The following SGCZ variants were observed in gnomAD, a reference collection of about 807,000 sequenced individuals.
SGCZ encodes the protein sarcoglycan zeta, also known as zeta-sarcoglycan.
Under a neutral mutation model 41.3 loss-of-function variants are expected in SGCZ, and 40 were observed. The ratio of observed to expected loss-of-function variants is 0.97; its 90% CI spans 0.75 to 1.26. SGCZ has a LOEUF of 1.26. Ranked by LOEUF, SGCZ falls within the 50% of genes most tolerant of loss-of-function variation. The pLI is 0.00. For missense variants in SGCZ, 552 were observed against 369.8 expected, an observed-to-expected ratio of 1.49 and a Z score of -4.04; for synonymous variants, 206 against 137.5, an observed-to-expected ratio of 1.50 and a Z score of -3.49.
chr8:14,541,773 C>T (rs1803476120), intron 2 of SGCZ, among the ~76,000 whole-genome samples: 2 of 152,084 alleles, frequency 1.3e-5, no homozygotes, highest in African/African-American at 4.8e-5. Context: ...TCCTATTTCT[C>T]CACATCTTCT....
chr8:15,070,973 G>C (rs1305590300), intron 1 of SGCZ, among the ~76,000 whole-genome samples: 2 of 152,146 alleles, frequency 1.3e-5, no homozygotes, highest in Admixed American at 6.5e-5. Context: ...AGATGATAAT[G>C]TGAACATTAC....
chr8:14,676,317 G>A (rs1808276279), intron 1 of SGCZ, among the ~76,000 whole-genome samples: 1 of 140,170 alleles, frequency 7.1e-6, no homozygotes, highest in Admixed American at 7.7e-5. Context: ...ACAGCATAGA[G>A]AGATCCCACC....
At chr8:14,244,525 A>C (rs543473866) in intron 3 of SGCZ, among the ~76,000 whole-genome samples, 190 of 152,168 alleles carry the variant, frequency 1.2e-3, no homozygotes, top group Non-Finnish European at 1.3e-3. Context: ...GTCAGGTAGC[A>C]TGATGCCTCC....
chr8:14,439,880 C>A (rs1412257752), intron 2 of SGCZ, among the ~76,000 whole-genome samples: 1 of 151,916 alleles, frequency 6.6e-6, no homozygotes, highest in Non-Finnish European at 1.5e-5. Flanking sequence ...GTCACATTTT[C>A]ACAGTTAACT....
intron 5 of SGCZ, among the ~76,000 whole-genome samples, chr8:14,155,349 G>A (rs985328478): frequency 2.0e-5 from 3 of 151,638 alleles, no homozygotes; most frequent in South Asian, 2.1e-4. Flanking sequence ...ATGTCTCTTT[G>A]GCCCATGACT....
At chr8:15,019,244 G>C (rs774257969) in intron 1 of SGCZ, among the ~76,000 whole-genome samples, 1 of 152,168 alleles carries the variant, frequency 6.6e-6, no homozygotes, top group East Asian at 1.9e-4. Flanking sequence ...GAAGTTGAAG[G>C]TCAGCAAGGG....
At position 14,266,602 on chromosome 8, in the gene SGCZ, G is replaced by C. The variant is rs77910634; in HGVS notation, c.337-28923C>G. Reference sequence around the variant, plus strand: ...AAATCAGTTTATTTCTAGACAACATGTCACATAAGATCACGATGTGAAAAT... The same window carrying C: ...AAATCAGTTTATTTCTAGACAACATCTCACATAAGATCACGATGTGAAAAT... On this transcript the variant is annotated intron_variant, in intron 3 of 7. Transcript: ENST00000382080. 5.7e-3 allele frequency among the ~76,000 whole-genome samples: 863 copies of C among 152,182 alleles called. 10 individuals carry two copies. The highest frequency in any genetic ancestry group is 0.02 in the African/African-American group (815 of 41,540).
chr8:14,102,049 G>A (rs1021792523), intron 7 of SGCZ, among the ~76,000 whole-genome samples: 4 of 148,392 alleles, frequency 2.7e-5, no homozygotes, highest in Non-Finnish European at 5.9e-5. Flanking sequence ...TGGGACTACA[G>A]GTGCCTGCCA....
Position 14,922,744 on chromosome 8 carries a change from A to T in SGCZ, c.39+314841T>A, listed in dbSNP as rs7836729. Reference sequence around the variant, plus strand: ...TTCTAATCTTCTAAAGCATTTTTGCATACATTCAAGATAAAATAACAATTC... The same window carrying T: ...TTCTAATCTTCTAAAGCATTTTTGCTTACATTCAAGATAAAATAACAATTC... On this transcript the variant is annotated intron_variant, in intron 1 of 7. Transcript: ENST00000382080. 3.9e-5 allele frequency among the ~76,000 whole-genome samples: 6 copies of T among 152,210 alleles called. No individual in the cohort carries two copies. The East Asian group carries it at 9.7e-4, about 25-fold the overall frequency.
At chr8:14,434,951 C>G (rs774175377) in intron 2 of SGCZ, among the ~76,000 whole-genome samples, 33 of 152,054 alleles carry the variant, frequency 2.2e-4, no homozygotes, top group Non-Finnish European at 4.0e-4. Context: ...GGGAGTTGAT[C>G]TTAGACTTCT....
intron 3 of SGCZ, among the ~76,000 whole-genome samples, chr8:14,301,287 A>C (rs890305536): frequency 6.6e-6 from 1 of 151,988 alleles, no homozygotes; most frequent in Non-Finnish European, 1.5e-5. Flanking sequence ...CCTCTTCTTC[A>C]TGGAGCTGAT....
Position 15,232,754 on chromosome 8 carries a change from CAT to C in SGCZ, c.39+4829_39+4830del, listed in dbSNP as rs760692919. On this transcript the variant is annotated intron_variant, in intron 1 of 7. Transcript: ENST00000382080. ...ACATATATATGTGTGTATATATATA[CAT>C]ATATATGTGTGTATATATATACATA... 9.6e-5 allele frequency among the ~76,000 whole-genome samples: 13 copies of C among 135,728 alleles called. No individual in the cohort carries two copies. The East Asian group carries it at 1.5e-3, about 16-fold the overall frequency. 89.0% of individuals were successfully genotyped at this position (135,728 alleles called of 152,430 possible). A position where few individuals can be genotyped will look rare whatever the true frequency, so the allele number is the denominator to read the frequency against.
At chr8:14,224,435 G>A (rs1367727657) in intron 4 of SGCZ, among the ~76,000 whole-genome samples, 3 of 152,168 alleles carry the variant, frequency 2.0e-5, no homozygotes, top group Admixed American at 6.5e-5. Context: ...TGAAAGGGAT[G>A]CAGCAGTGAG....
rs1801455940 is a variant in SGCZ at position 14,309,472 on chromosome 8, C to T, written c.336+14631G>A. On this transcript the variant is annotated intron_variant, in intron 3 of 7. Coordinates refer to ENST00000382080, the MANE Select transcript of SGCZ (RefSeq NM_139167.4). ...ATGACTGCAGTGATGATGTATGTGG[C>T]GCTGTTGTTAATGTTAGAGCTAATT... is the stretch of plus-strand genomic sequence containing the variant. 8.7e-6 allele frequency: 14 copies of T among 1,605,668 alleles called. No homozygotes were observed. In the Admixed American group the frequency reaches 1.2e-4, roughly 13 times the overall value.
chr8:14,786,223 G>C (rs929011514), intron 1 of SGCZ, among the ~76,000 whole-genome samples: 5 of 151,984 alleles, frequency 3.3e-5, no homozygotes, highest in Admixed American at 6.6e-5. Flanking sequence ...TCAGACAGTG[G>C]TCTTTGGTCA....
intron 1 of SGCZ, among the ~76,000 whole-genome samples, chr8:14,670,175 G>C (rs1378251490): frequency 6.6e-6 from 1 of 152,092 alleles, no homozygotes; most frequent in Non-Finnish European, 1.5e-5. Flanking sequence ...CTGCATTCCA[G>C]GTTTTAAAAT....
At chr8:14,469,399 A>C (rs1188820949) in intron 2 of SGCZ, among the ~76,000 whole-genome samples, 1 of 152,116 alleles carries the variant, frequency 6.6e-6, no homozygotes. Context: ...TCCCTCTCAC[A>C]TATGCATGGA....
At chr8:14,457,381 G>T (rs1316960066) in intron 2 of SGCZ, among the ~76,000 whole-genome samples, 2 of 152,206 alleles carry the variant, frequency 1.3e-5, no homozygotes, top group African/African-American at 4.8e-5. Flanking sequence ...TGGTCCAGCG[G>T]TAGCAAAAGG....
intron 1 of SGCZ, among the ~76,000 whole-genome samples, chr8:14,966,031 G>A (rs979620081): frequency 6.6e-6 from 1 of 152,026 alleles, no homozygotes; most frequent in Admixed American, 6.6e-5. Context: ...TTATGATGAT[G>A]TGACTTAGTT....
Sources: allele counts gnomAD v4.1 joint callset (sites outside exome capture counted in the v4.1 genomes callset), GRCh38; gene constraint gnomAD v4.1.1; transcripts MANE v1.5; gene names NCBI Gene and HGNC (gene_info 2026-07-23, HGNC 2026-07-21).